The following SPDYE3 variants were observed in gnomAD, a reference collection of about 807,000 sequenced individuals.
The protein encoded by SPDYE3 is speedy protein E3.
In SPDYE3, 15 loss-of-function variants were observed where a neutral mutation model predicts 55.0. The observed-to-expected ratio is 0.27, with a 90% CI of 0.18 to 0.42. The LOEUF is 0.42. Ranked by LOEUF, SPDYE3 falls within the 10% of genes least tolerant of loss-of-function variation. SPDYE3 has a pLI of 1.00. For missense variants in SPDYE3, 236 were observed against 576.7 expected (o/e 0.41, Z 6.05); for synonymous variants, 89 against 229.9 (o/e 0.39, Z 5.55).
intron 4 of SPDYE3, among the ~76,000 whole-genome samples, chr7:100,312,513 AAAG>A (rs1216749930): frequency 2.9e-5 from 4 of 137,098 alleles, no homozygotes; most frequent in South Asian, 2.3e-4. Flanking sequence ...AAAAAAAAAA[AAAG>A]AAGAAGAGAA....
At position 100,308,006 on chromosome 7, in the gene SPDYE3, G is replaced by A. The variant is rs1805864774; in HGVS notation, c.106+15G>A. On this transcript the variant is annotated intron_variant, in intron 1 of 10. Transcript: ENST00000332397. The stretch of plus-strand genomic sequence containing the variant: ...GGGACCATCAGGTGAGGGGACTGGA[G>A]GAAGAAGAGGTGGCATAGGATTGAC... The A allele has an allele frequency of 2.6e-6, 4 of 1,539,686 alleles. No homozygotes were observed. The highest frequency in any genetic ancestry group is 3.5e-6 in the Non-Finnish European group (4 of 1,149,270).
At chr7:100,312,425 AG>A (rs1805984405) in intron 4 of SPDYE3, among the ~76,000 whole-genome samples, 1 of 136,478 alleles carries the variant, frequency 7.3e-6, no homozygotes, top group African/African-American at 2.8e-5. Context: ...TGAGCCTGGG[AG>A]GAAGAGGGTG....
At chr7:100,315,361 C>G (rs1314750273) in intron 6 of SPDYE3, among the ~76,000 whole-genome samples, 1 of 152,138 alleles carries the variant, frequency 6.6e-6, no homozygotes, top group Non-Finnish European at 1.5e-5. Flanking sequence ...TTCAGCTGTG[C>G]CCTCTGAAAC....
intron 6 of SPDYE3, 142 bp from the exon 7 acceptor site, chr7:100,315,643 C>T: frequency 6.0e-6 from 8 of 1,327,050 alleles, no homozygotes; most frequent in Non-Finnish European, 8.6e-6. Flanking sequence ...CAGTGAAAGT[C>T]ATTCTCCCCT....
intron 7 of SPDYE3, among the ~76,000 whole-genome samples, chr7:100,316,454 A>G (rs1483435889): frequency 2.0e-5 from 3 of 152,040 alleles, no homozygotes; most frequent in Non-Finnish European, 4.4e-5. Flanking sequence ...TGCTCAACGA[A>G]TTTTTGAAAT....
chr7:100,322,004 T>G lies in SPDYE3; in HGVS notation c.*1159T>G, dbSNP rs1281338475. ...TGTTATATACACATAAATATAATTT[T>G]GTTTTCCTTTTTAAGAGAGGATTCT... On this transcript the variant is annotated 3_prime_UTR_variant, in exon 11 of 11. Coordinates refer to ENST00000332397, the MANE Select transcript of SPDYE3 (RefSeq NM_001004351.5). 1 of 151,756 alleles carries G rather than the reference T, an allele frequency of 6.6e-6. No homozygotes were observed. The highest frequency in any genetic ancestry group is 2.4e-5 in the African/African-American group (1 of 41,388). 9.4% of individuals were successfully genotyped at this position (151,756 alleles called of 1,614,324 possible).
intron 1 of SPDYE3, among the ~76,000 whole-genome samples, chr7:100,308,715 A>C (rs1056896494): frequency 6.8e-6 from 1 of 147,840 alleles, no homozygotes; most frequent in Non-Finnish European, 1.5e-5. Context: ...TCTCGAAACA[A>C]AAAAAAAAAA....
At chr7:100,313,056 T>C in intron 4 of SPDYE3, 84 bp from the exon 5 acceptor site, 1 of 540,212 alleles carries the variant, frequency 1.9e-6, no homozygotes, top group Non-Finnish European at 3.3e-6. Flanking sequence ...CTGGGGAGGA[T>C]GGAGAGTGGT....
intron 10 of SPDYE3, 178 bp from the exon 11 acceptor site, chr7:100,320,713 C>T (rs3991527): frequency 6.5e-6 from 7 of 1,084,476 alleles, no homozygotes; most frequent in South Asian, 1.7e-5. Flanking sequence ...GTCACCAAAG[C>T]GTGAGTTTCA....
chr7:100,316,899 G>A (rs1446508388), intron 7 of SPDYE3, among the ~76,000 whole-genome samples, 171 bp from the exon 8 acceptor site: 7 of 152,084 alleles, frequency 4.6e-5, no homozygotes, highest in Non-Finnish European at 8.8e-5. Context: ...ATTTGCATCC[G>A]ACCTTCGAAT....
chr7:100,318,823 C>T (rs1459410979), intron 8 of SPDYE3, among the ~76,000 whole-genome samples: 5 of 151,198 alleles, frequency 3.3e-5, no homozygotes, highest in Non-Finnish European at 5.9e-5. Flanking sequence ...TGGGCTCAAG[C>T]GATCCTCCCA....
At chr7:100,320,078 T>C in intron 10 of SPDYE3, 43 bp downstream of exon 10, 3 of 1,582,586 alleles carry the variant, frequency 1.9e-6, no homozygotes, top group Admixed American at 3.7e-5. Context: ...TATTGGGGTC[T>C]ATTTCGGAAA....
In SPDYE3 at chr7:100,309,149, G is replaced by C; in HGVS notation, c.282G>C (p.Ser94=). Reference sequence around the variant, plus strand: ...TGAAGGCGAAGCGACGGCGAGTGTCGCTCGTGCTCCCTGAGTACTACGAGG... The same window carrying C: ...TGAAGGCGAAGCGACGGCGAGTGTCCCTCGTGCTCCCTGAGTACTACGAGG... ...LKMKAKRRRV[S]LVLPEYYEAF... The change falls in exon 2 of 11, where the codon TCG becomes TCC. Residue 94 remains serine (S), a synonymous_variant. Transcript: ENST00000332397. The C allele has an allele frequency of 2.0e-6, 1 of 488,318 alleles. No homozygotes were observed. The allele number at this position is 488,318 out of a possible 1,614,324, so 30.2% of individuals were successfully genotyped here.
Position 100,315,016 on chromosome 7 carries a change from G to T in SPDYE3, c.1201+266G>T, listed in dbSNP as rs1446302390. On this transcript the variant is annotated intron_variant, in intron 6 of 10. Transcript: ENST00000332397. ...GCCTGAGATCCCAGCACGTTGGGAG[G>T]CTGAGGCAAGAGAATTGCTTGAACT... 2.7e-5 allele frequency among the ~76,000 whole-genome samples: 4 copies of T among 146,870 alleles called. 1 individual carries two copies. The highest frequency in any genetic ancestry group is 2.7e-4 in the Admixed American group (4 of 14,784).
intron 8 of SPDYE3, among the ~76,000 whole-genome samples, chr7:100,318,488 G>A (rs2129976564): frequency 6.6e-6 from 1 of 152,228 alleles, no homozygotes; most frequent in East Asian, 1.9e-4. Flanking sequence ...TTCTGTCTGG[G>A]TGTCCCACAC....
At chr7:100,312,700 C>T (rs1454003550) in intron 4 of SPDYE3, among the ~76,000 whole-genome samples, 32 of 135,708 alleles carry the variant, frequency 2.4e-4, no homozygotes, top group Non-Finnish European at 4.5e-4. Context: ...CATGGTGAAA[C>T]CCCCGTCTCT....
chr7:100,316,488 G>C (rs573859620), intron 7 of SPDYE3, among the ~76,000 whole-genome samples: 18 of 152,258 alleles, frequency 1.2e-4, no homozygotes, highest in Admixed American at 3.9e-4. Flanking sequence ...GGGTCTCGCT[G>C]TGTTGCCCAG....
intron 8 of SPDYE3, among the ~76,000 whole-genome samples, chr7:100,318,051 G>A (rs1271507512): frequency 2.0e-5 from 3 of 151,550 alleles, no homozygotes; most frequent in East Asian, 1.9e-4. Flanking sequence ...CAAAAGGAGC[G>A]GAGGAGCGGA....
chr7:100,320,864 G>A (rs901192047), intron 10 of SPDYE3, 27 bp from the exon 11 acceptor site: 1 of 1,204,828 alleles, frequency 8.3e-7, no homozygotes, highest in Admixed American at 2.1e-5. Context: ...TCTCCTTGAG[G>A]TGTGACATTG....
Sources: gnomAD v4.1 joint callset for allele counts (sites outside exome capture counted in the v4.1 genomes callset) on GRCh38, gnomAD v4.1.1 for gene constraint, MANE v1.5 for transcripts, NCBI Gene and HGNC (gene_info 2026-07-23, HGNC 2026-07-21) for gene names.